The following ZDHHC14 variants were observed in gnomAD, a reference collection of about 807,000 sequenced individuals.
ZDHHC14 encodes zDHHC palmitoyltransferase 14, also known as palmitoyltransferase ZDHHC14.
ZDHHC14 carries 16 observed loss-of-function variants against 47.7 expected under a neutral mutation model. That is an observed-to-expected ratio of 0.34 (90% CI 0.23 to 0.51). ZDHHC14 has a LOEUF of 0.51. Among genes scored for constraint, ZDHHC14 ranks in the 20% least tolerant of loss-of-function variants. The pLI, the probability that ZDHHC14 is intolerant of heterozygous loss-of-function variation, is 0.97. For missense variants in ZDHHC14, 515 were observed against 662.5 expected (o/e 0.78, Z 2.44); for synonymous variants, 293 against 278.9 (o/e 1.05, Z -0.50).
intron 1 of ZDHHC14, among the ~76,000 whole-genome samples, chr6:157,519,475 T>C (rs965454238): frequency 2.6e-5 from 4 of 152,072 alleles, no homozygotes; most frequent in Non-Finnish European, 4.4e-5. Flanking sequence ...CCCAGAGAGA[T>C]GAGCTCATGG....
chr6:157,672,713 C>A lies in ZDHHC14; in HGVS notation c.1069-11C>A, dbSNP rs753448564. The A allele has an allele frequency of 6.2e-7, 1 of 1,609,582 alleles. No individual in the cohort carries two copies. Among genetic ancestry groups the A allele is most frequent in the Admixed American group, 1.7e-5 (1 of 59,740 alleles). On this transcript the variant is annotated splice_polypyrimidine_tract_variant and intron_variant, in intron 8 of 8. Transcript: ENST00000359775. ...TCCACCTTCTCTTTGCTGGCGCCTC[C>A]CGCTCTCCAGTGCGACCAAGACCAG...
At chr6:157,608,901 CAG>C (rs1159993858) in intron 3 of ZDHHC14, among the ~76,000 whole-genome samples, 3 of 152,110 alleles carry the variant, frequency 2.0e-5, no homozygotes, top group Non-Finnish European at 4.4e-5. Context: ...GCCAAGGAGA[CAG>C]AAAGATGTGG....
intron 1 of ZDHHC14, among the ~76,000 whole-genome samples, chr6:157,428,473 A>T (rs932694887): frequency 2.6e-5 from 4 of 152,210 alleles, no homozygotes; most frequent in Non-Finnish European, 5.9e-5. Context: ...ATTAAAAAAA[A>T]AATCTCCGGC....
rs186977123 is a variant in ZDHHC14 at position 157,415,680 on chromosome 6, G to T, written c.245+33414G>T. Among the ~76,000 whole-genome samples, 14 of 152,222 alleles carry T rather than the reference G, an allele frequency of 9.2e-5. No homozygotes were observed. In the East Asian group the frequency reaches 2.3e-3, roughly 25 times the overall value. On this transcript the variant is annotated intron_variant, in intron 1 of 8. Coordinates refer to ENST00000359775, the MANE Select transcript of ZDHHC14 (RefSeq NM_024630.3). ...ACTTGAGGTCAGGAGTTTGAGACCA[G>T]CCTGGCCAACATGGTGAAACCCCGT...
intron 1 of ZDHHC14, among the ~76,000 whole-genome samples, chr6:157,519,706 CCTCTCAGCTCTTCCTCTGCA>C (rs1451697102): frequency 6.6e-6 from 1 of 152,198 alleles, no homozygotes; most frequent in African/African-American, 2.4e-5. Flanking sequence ...AGTGACTTCC[CCTCTCAGCTCTTCCTCTGCA>C]AAACGAAAGG....
Position 157,382,093 on chromosome 6 carries a change from C to A in ZDHHC14, c.72C>A (p.Pro24=). ...YSQISTHSSS[P]MESPHKKKKI... Reference sequence around the variant, plus strand: ...AGATCAGCACCCACAGCTCCTCCCCCATGGAGTCGCCCCACAAGAAGAAGA... The same window carrying A: ...AGATCAGCACCCACAGCTCCTCCCCAATGGAGTCGCCCCACAAGAAGAAGA... Residue 24 remains proline, a synonymous_variant, in exon 1 of 9, where the codon CCC becomes CCA. Transcript: ENST00000359775. 1 of 1,611,338 alleles carries A rather than the reference C, an allele frequency of 6.2e-7. No individual in the cohort carries two copies.
intron 2 of ZDHHC14, among the ~76,000 whole-genome samples, chr6:157,592,338 A>C (rs1387428414): frequency 2.6e-5 from 4 of 152,244 alleles, no homozygotes; most frequent in Non-Finnish European, 5.9e-5. Context: ...ATGATTTTCA[A>C]AATATACATT....
chr6:157,454,498 CTTT>C (rs5881212), intron 1 of ZDHHC14, among the ~76,000 whole-genome samples: 32 of 127,662 alleles, frequency 2.5e-4, no homozygotes, highest in Admixed American at 2.4e-4. Context: ...GCAGCTTCTT[CTTT>C]TTTTTTTTTT....
chr6:157,421,153 A>G (rs1778092361), intron 1 of ZDHHC14, among the ~76,000 whole-genome samples: 1 of 152,066 alleles, frequency 6.6e-6, no homozygotes, highest in Non-Finnish European at 1.5e-5. Context: ...AATTGATATC[A>G]AGTAGACTTT....
At chr6:157,399,150 C>G (rs888212186) in intron 1 of ZDHHC14, among the ~76,000 whole-genome samples, 2 of 152,234 alleles carry the variant, frequency 1.3e-5, no homozygotes, top group South Asian at 4.2e-4. Flanking sequence ...CCATTTCTTT[C>G]AGGCCACTTA....
At chr6:157,571,197 A>G (rs951406642) in intron 2 of ZDHHC14, among the ~76,000 whole-genome samples, 2 of 152,224 alleles carry the variant, frequency 1.3e-5, no homozygotes, top group African/African-American at 2.4e-5. Context: ...CTTCAACTTC[A>G]TGAGAGCATG....
At chr6:157,473,744 A>C (rs1245978383) in intron 1 of ZDHHC14, among the ~76,000 whole-genome samples, 1 of 152,220 alleles carries the variant, frequency 6.6e-6, no homozygotes, top group Non-Finnish European at 1.5e-5. Flanking sequence ...TGGTCAAAAC[A>C]CAGTCAAAAC....
At chr6:157,480,127 A>G (rs375950977) in intron 1 of ZDHHC14, among the ~76,000 whole-genome samples, 4 of 152,260 alleles carry the variant, frequency 2.6e-5, no homozygotes, top group Admixed American at 1.3e-4. Context: ...TTGGACCAAG[A>G]GAGGACACTG....
rs1777213893 is a variant in ZDHHC14, at chr6:157,381,715, C to G, written c.-307C>G. The G allele has an allele frequency of 6.9e-6, 1 of 144,670 alleles. No individual in the cohort carries two copies. Among genetic ancestry groups the G allele is most frequent in the Non-Finnish European group, 1.5e-5 (1 of 65,176 alleles). The allele number at this position is 144,670 out of a possible 1,614,324, so 9.0% of individuals were successfully genotyped here. The stretch of plus-strand genomic sequence containing the variant: ...GCGAGGGGGCGGGCGCTCGGCGACC[C>G]GGGGGCCGGCCGGGCTGAGCCCCGC... On this transcript the variant is annotated 5_prime_UTR_variant, in exon 1 of 9. Coordinates refer to ENST00000359775, the MANE Select transcript of ZDHHC14 (RefSeq NM_024630.3).
intron 1 of ZDHHC14, among the ~76,000 whole-genome samples, chr6:157,491,813 C>T (rs1779924079): frequency 6.6e-6 from 1 of 152,198 alleles, no homozygotes; most frequent in Non-Finnish European, 1.5e-5. Flanking sequence ...TTGGAATGGG[C>T]CTGGGAAGGC....
intron 2 of ZDHHC14, among the ~76,000 whole-genome samples, chr6:157,556,154 G>A (rs138107119): frequency 0.029 from 4,480 of 151,990 alleles, 118 homozygotes; most frequent in African/African-American, 0.068. Flanking sequence ...TGGCGTACTC[G>A]GAGTAATTAG....
chr6:157,635,653 G>A (rs574611812), intron 5 of ZDHHC14, among the ~76,000 whole-genome samples: 6 of 151,770 alleles, frequency 4.0e-5, no homozygotes, highest in Non-Finnish European at 7.4e-5. Context: ...ACGTCTGCAC[G>A]CTGCATGGTG....
intron 1 of ZDHHC14, among the ~76,000 whole-genome samples, chr6:157,495,695 A>ATTTTTTTTTTTTTTTTTT (rs71027341): frequency 1.9e-5 from 2 of 104,350 alleles, no homozygotes; most frequent in Non-Finnish European, 3.8e-5. Context: ...TTCGGGTTGA[A>ATTTTTTTTTTTTTTTTTT]TTTTTTTTTT....
intron 1 of ZDHHC14, among the ~76,000 whole-genome samples, chr6:157,474,356 G>A (rs189962045): frequency 3.0e-4 from 45 of 152,272 alleles, no homozygotes; most frequent in Middle Eastern, 3.4e-3. Context: ...TGGCTATTGT[G>A]ATAATACTGC....
Sources: allele counts gnomAD v4.1 joint callset (sites outside exome capture counted in the v4.1 genomes callset), GRCh38; gene constraint gnomAD v4.1.1; transcripts MANE v1.5; gene names NCBI Gene and HGNC (gene_info 2026-07-23, HGNC 2026-07-21).